The following ROS1 variants were observed in gnomAD, a reference collection of about 807,000 sequenced individuals.
ROS1 encodes the protein ROS proto-oncogene 1, receptor tyrosine kinase.
A neutral mutation model predicts 273.5 loss-of-function variants in ROS1; 263 were observed. The observed-to-expected ratio is 0.96, with a 90% confidence interval of 0.87 to 1.06. The LOEUF is 1.06. Ranked by LOEUF, ROS1 falls within the 50% of genes least tolerant of loss-of-function variation. ROS1 has a pLI of 0.00. For synonymous variants in ROS1, 1,008 were observed against 954.1 expected (o/e 1.06, Z -1.04); for missense variants, 2,833 against 2,751.1 (o/e 1.03, Z -0.67).
intron 3 of ROS1, 44 bp downstream of exon 3, chr6:117,416,214 G>T: frequency 2.5e-6 from 3 of 1,187,406 alleles, no homozygotes; most frequent in Non-Finnish European, 3.8e-6. Flanking sequence ...ATTTCCTCTT[G>T]AAAGAAACAT....
rs1490594972 is a variant in ROS1 at position 117,357,838 on chromosome 6, T to C, written c.3805A>G (p.Thr1269Ala). Reference sequence around the variant, plus strand: ...GGATATACAGAAAAAGAAATTATTGTTGAATTCCTATTGTGAATCTTCACC... The same window carrying C: ...GGATATACAGAAAAAGAAATTATTGCTGAATTCCTATTGTGAATCTTCACC... ...REVKIHNRNS[T>A]IISFSVYPLL... The change falls in exon 25 of 44, where the codon ACA becomes GCA. Residue 1269 changes from threonine (T) to alanine (A), a missense_variant. By Grantham distance (58) the Thr-to-Ala change is moderately conservative (BLOSUM62 0). Transcript: ENST00000368507. The C allele has an allele frequency of 5.0e-6, 8 of 1,612,590 alleles. No individual in the cohort carries two copies. Among genetic ancestry groups the C allele is most frequent in the Non-Finnish European group, 6.8e-6 (8 of 1,179,210 alleles).
chr6:117,369,907 G>T (rs3798382), intron 18 of ROS1, among the ~76,000 whole-genome samples: 1 of 151,752 alleles, frequency 6.6e-6, no homozygotes, highest in Non-Finnish European at 1.5e-5. Flanking sequence ...ATGCATCCAC[G>T]TGCATACACA....
At position 117,350,018 on chromosome 6, in the gene ROS1, A is replaced by T. The variant is rs201101582; in HGVS notation, c.4303+2972T>A. On this transcript the variant is annotated intron_variant, in intron 27 of 43. Transcript: ENST00000368507. Reference sequence around the variant, plus strand: ...CTATTACTATTTTGAACAAACTATTATCCATTAGGTCAGTTAAGAAAAAGA... The same window carrying T: ...CTATTACTATTTTGAACAAACTATTTTCCATTAGGTCAGTTAAGAAAAAGA... Among the ~76,000 whole-genome samples, 4 of 152,112 alleles carry T rather than the reference A, an allele frequency of 2.6e-5. No homozygotes were observed. The East Asian group carries it at 7.7e-4, about 29-fold the overall frequency.
intron 11 of ROS1, among the ~76,000 whole-genome samples, chr6:117,393,578 T>C (rs1447495229): frequency 3.3e-5 from 5 of 152,226 alleles, no homozygotes; most frequent in Admixed American, 2.6e-4. Context: ...ATTTTTAACA[T>C]TTAAGCGATA....
At chr6:117,350,472 C>T (rs1288786271) in intron 27 of ROS1, among the ~76,000 whole-genome samples, 1 of 146,266 alleles carries the variant, frequency 6.8e-6, no homozygotes, top group Non-Finnish European at 1.5e-5. Context: ...TAGATTTTGG[C>T]ATTTATCCTT....
At chr6:117,333,470 G>A (rs1777244080) in intron 32 of ROS1, among the ~76,000 whole-genome samples, 1 of 152,172 alleles carries the variant, frequency 6.6e-6, no homozygotes, top group Admixed American at 6.5e-5. Context: ...TGGAAAAGGA[G>A]GAATTCCTTC....
Position 117,356,851 on chromosome 6 carries a change from G to A in ROS1, c.3904C>T (p.His1302Tyr). 1 of 1,614,068 alleles carries A rather than the reference G, an allele frequency of 6.2e-7. No individual in the cohort carries two copies. The highest frequency in any genetic ancestry group is 1.6e-4 in the Middle Eastern group (1 of 6,062). Residue 1302 changes from histidine (H) to tyrosine (Y), a missense_variant, in exon 26 of 44, where the codon CAC (histidine) becomes TAC (tyrosine). Physicochemically the swap from His to Tyr is moderately conservative, Grantham distance 83. Transcript: ENST00000368507. ...YQMFYYSIIS[H>Y]TLHRILQPTA... ...GGTTGCAGAATTCGGTGCAAGGTGT[G>A]ACTGATAATACTGTAGTAGAACATC...
At chr6:117,340,058 T>G (rs576431516) in intron 31 of ROS1, among the ~76,000 whole-genome samples, 43 of 152,300 alleles carry the variant, frequency 2.8e-4, no homozygotes, top group Admixed American at 2.5e-3. Context: ...ATCCTTCCTC[T>G]TGGTTTTAGA....
chr6:117,405,238 T>C (rs992820440), intron 5 of ROS1, among the ~76,000 whole-genome samples: 3 of 152,126 alleles, frequency 2.0e-5, no homozygotes, highest in African/African-American at 7.2e-5. Flanking sequence ...TAAGAGAAAA[T>C]TGACGCAATT....
intron 18 of ROS1, among the ~76,000 whole-genome samples, chr6:117,368,957 T>C (rs890549508): frequency 2.3e-4 from 35 of 152,154 alleles, no homozygotes; most frequent in African/African-American, 8.2e-4. Context: ...AAATATACTA[T>C]TAAAGTTACG....
chr6:117,331,337 C>T (rs1299003352), intron 32 of ROS1, among the ~76,000 whole-genome samples: 2 of 152,062 alleles, frequency 1.3e-5, no homozygotes, highest in Non-Finnish European at 2.9e-5. Flanking sequence ...AAATATGAGA[C>T]TTCATAAAAA....
intron 35 of ROS1, 145 bp downstream of exon 35, chr6:117,324,187 G>A (rs2128574295): frequency 1.7e-6 from 1 of 591,286 alleles, no homozygotes; most frequent in East Asian, 3.1e-5. Flanking sequence ...GGTTATAAAT[G>A]TATAGCCAAA....
intron 28 of ROS1, 31 bp downstream of exon 28, chr6:117,344,028 GA>G: frequency 6.5e-7 from 1 of 1,536,966 alleles, no homozygotes; most frequent in Non-Finnish European, 9.0e-7. Context: ...AACATCTTGT[GA>G]AAAGACAAAG....
At position 117,393,187 on chromosome 6, in the gene ROS1, A is replaced by G. The variant is rs371376312; in HGVS notation, c.1289+37T>C. Reference sequence around the variant, plus strand: ...GTTTCTCAAAGATTATTTATTCCCAATGGAAGAGAATTCATCTTTACAAGG... The same window carrying G: ...GTTTCTCAAAGATTATTTATTCCCAGTGGAAGAGAATTCATCTTTACAAGG... On this transcript the variant is annotated intron_variant, in intron 12 of 43. Transcript: ENST00000368507. 1.0e-5 allele frequency: 12 copies of G among 1,186,682 alleles called. No individual in the cohort carries two copies. The African/African-American group carries it at 1.5e-4, about 15-fold the overall frequency. 73.5% of individuals were successfully genotyped at this position (1,186,682 alleles called of 1,614,324 possible).
At chr6:117,403,035 G>T (rs928039014) in intron 7 of ROS1, 104 bp downstream of exon 7, 1 of 1,302,122 alleles carries the variant, frequency 7.7e-7, no homozygotes, top group Non-Finnish European at 1.1e-6. Flanking sequence ...TGAATGGATC[G>T]ATTAATAGGA....
At chr6:117,306,585 T>A (rs1775121005) in intron 42 of ROS1, among the ~76,000 whole-genome samples, 1 of 152,136 alleles carries the variant, frequency 6.6e-6, no homozygotes, top group South Asian at 2.1e-4. Context: ...AATAGCTGAG[T>A]ACAGCATAGC....
chr6:117,316,547 G>A (rs1661381930), intron 39 of ROS1, among the ~76,000 whole-genome samples: 1 of 152,018 alleles, frequency 6.6e-6, no homozygotes, highest in Non-Finnish European at 1.5e-5. Context: ...GGTTCATAAT[G>A]TGCTGTGCAC....
chr6:117,295,204 G>A (rs970932310), intron 43 of ROS1, among the ~76,000 whole-genome samples: 1 of 152,118 alleles, frequency 6.6e-6, no homozygotes, highest in Non-Finnish European at 1.5e-5. Flanking sequence ...GTGAATTCAT[G>A]TTTTACAAAG....
intron 38 of ROS1, 107 bp from the exon 39 acceptor site, chr6:117,317,379 C>T (rs1775995632): frequency 7.7e-7 from 1 of 1,301,410 alleles, no homozygotes; most frequent in African/African-American, 1.5e-5. Flanking sequence ...CCTTCAAAAC[C>T]CCTGACTTAG....
Sources: gnomAD v4.1 joint callset for allele counts (sites outside exome capture counted in the v4.1 genomes callset) on GRCh38, gnomAD v4.1.1 for gene constraint, MANE v1.5 for transcripts, NCBI Gene and HGNC (gene_info 2026-07-23, HGNC 2026-07-21) for gene names.